The following SLC2A13 variants were observed in gnomAD, a reference collection of about 807,000 sequenced individuals.
The protein encoded by SLC2A13 is proton myo-inositol cotransporter.
A neutral mutation model predicts 64.4 loss-of-function variants in SLC2A13; 32 were observed. The ratio of observed to expected loss-of-function variants is 0.50; its 90% CI spans 0.37 to 0.67. The LOEUF is 0.67. Ranked by LOEUF, SLC2A13 falls within the 30% of genes least tolerant of loss-of-function variation. SLC2A13 has a pLI of 0.00. For missense variants in SLC2A13, 743 were observed against 829.2 expected, an observed-to-expected ratio of 0.90 and a Z score of 1.28; for synonymous variants, 338 against 327.1, an observed-to-expected ratio of 1.03 and a Z score of -0.36.
At chr12:39,894,949 G>C (rs1304693046) in intron 4 of SLC2A13, among the ~76,000 whole-genome samples, 1 of 152,146 alleles carries the variant, frequency 6.6e-6, no homozygotes, top group African/African-American at 2.4e-5. Context: ...AACTGGCTAG[G>C]AGAACCCTCA....
intron 7 of SLC2A13, among the ~76,000 whole-genome samples, chr12:39,796,360 C>T (rs1941575498): frequency 1.3e-5 from 2 of 149,694 alleles, no homozygotes; most frequent in Non-Finnish European, 3.0e-5. Flanking sequence ...TAGGCTGAAC[C>T]AGGAGGATCT....
At chr12:39,864,403 T>G (rs768530458) in intron 6 of SLC2A13, among the ~76,000 whole-genome samples, 1 of 152,252 alleles carries the variant, frequency 6.6e-6, no homozygotes, top group Non-Finnish European at 1.5e-5. Context: ...TGATTACTGA[T>G]TAAAGTTATT....
At chr12:39,924,319 T>C (rs1945676072) in intron 4 of SLC2A13, among the ~76,000 whole-genome samples, 1 of 152,146 alleles carries the variant, frequency 6.6e-6, no homozygotes. Flanking sequence ...GAAGCTGAAT[T>C]AGTCATTTAG....
At chr12:39,786,860 A>G (rs74820408) in intron 7 of SLC2A13, among the ~76,000 whole-genome samples, 23,184 of 152,248 alleles carry the variant, frequency 0.15, 1,948 homozygotes, top group East Asian at 0.3. Context: ...TTGAGATTTT[A>G]GTAAATGACT....
intron 4 of SLC2A13, among the ~76,000 whole-genome samples, chr12:39,902,058 T>C (rs1945133769): frequency 6.6e-6 from 1 of 151,870 alleles, no homozygotes. Context: ...TGGATGAAAT[T>C]GGAAACCATC....
chr12:39,888,722 T>G (rs553081283), intron 4 of SLC2A13, among the ~76,000 whole-genome samples: 1 of 152,218 alleles, frequency 6.6e-6, no homozygotes, highest in Admixed American at 6.5e-5. Flanking sequence ...TCAAAGAAGT[T>G]TGTCAACACA....
chr12:39,851,196 A>C (rs1389273490), intron 6 of SLC2A13, among the ~76,000 whole-genome samples: 1 of 152,186 alleles, frequency 6.6e-6, no homozygotes, highest in East Asian at 1.9e-4. Context: ...CACCGTGTCC[A>C]GCCAAAGTTA....
At chr12:39,965,238 C>T (rs1946488579) in intron 3 of SLC2A13, among the ~76,000 whole-genome samples, 2 of 151,872 alleles carry the variant, frequency 1.3e-5, no homozygotes, top group South Asian at 2.1e-4. Flanking sequence ...TAACTAAACA[C>T]TCCCTTATGA....
At chr12:39,989,074 A>G (rs914322889) in intron 3 of SLC2A13, among the ~76,000 whole-genome samples, 4 of 152,140 alleles carry the variant, frequency 2.6e-5, no homozygotes, top group African/African-American at 9.7e-5. Flanking sequence ...CTGCTGTGTC[A>G]GTCCTCTACT....
chr12:39,915,161 G>T (rs1436389572), intron 4 of SLC2A13, among the ~76,000 whole-genome samples: 1 of 151,936 alleles, frequency 6.6e-6, no homozygotes, highest in Non-Finnish European at 1.5e-5. Flanking sequence ...AAGGAGAAAA[G>T]TCAGTGGGAC....
At chr12:39,894,884 GATATGAA>G (rs1275391433) in intron 4 of SLC2A13, among the ~76,000 whole-genome samples, 4 of 152,136 alleles carry the variant, frequency 2.6e-5, no homozygotes, top group African/African-American at 9.7e-5. Context: ...AGAAGAAATG[GATATGAA>G]ACCATCGGAT....
chr12:39,934,073 T>C (rs1368180609), intron 4 of SLC2A13, among the ~76,000 whole-genome samples: 1 of 152,192 alleles, frequency 6.6e-6, no homozygotes, highest in Non-Finnish European at 1.5e-5. Flanking sequence ...TGATTCTGAA[T>C]CTTAAGTTAG....
intron 2 of SLC2A13, among the ~76,000 whole-genome samples, chr12:40,044,080 G>A (rs909855800): frequency 1.3e-5 from 2 of 152,058 alleles, no homozygotes; most frequent in African/African-American, 4.8e-5. Flanking sequence ...GCCCCAAAAT[G>A]TTAACAATAC....
intron 4 of SLC2A13, among the ~76,000 whole-genome samples, chr12:39,911,452 T>C (rs1337993089): frequency 6.6e-6 from 1 of 152,010 alleles, no homozygotes; most frequent in Non-Finnish European, 1.5e-5. Context: ...CTGTTGTCTA[T>C]CTCTATGATA....
intron 7 of SLC2A13, among the ~76,000 whole-genome samples, chr12:39,794,010 A>C (rs1358711819): frequency 1.3e-5 from 2 of 151,324 alleles, no homozygotes; most frequent in South Asian, 2.1e-4. Flanking sequence ...CTCTGAACCT[A>C]ATACCTACTT....
At chr12:39,764,357 CA>C in intron 9 of SLC2A13, 102 bp downstream of exon 9, 1 of 1,105,782 alleles carries the variant, frequency 9.0e-7, no homozygotes, top group Non-Finnish European at 1.2e-6. Context: ...CTTATAACAG[CA>C]AAATATAACC....
chr12:39,859,116 C>T, intron 6 of SLC2A13, among the ~76,000 whole-genome samples: 1 of 152,048 alleles, frequency 6.6e-6, no homozygotes, highest in East Asian at 1.9e-4. Flanking sequence ...AAACCAGTGT[C>T]ACCACCATCT....
At chr12:39,806,769 A>G (rs916512074) in intron 7 of SLC2A13, among the ~76,000 whole-genome samples, 2 of 152,228 alleles carry the variant, frequency 1.3e-5, no homozygotes, top group Non-Finnish European at 2.9e-5. Flanking sequence ...TTGTTATGGA[A>G]TAATGAAATC....
At chr12:40,044,261 A>G (rs554545562) in intron 2 of SLC2A13, among the ~76,000 whole-genome samples, 1 of 152,328 alleles carries the variant, frequency 6.6e-6, no homozygotes, top group East Asian at 1.9e-4. Context: ...TATACAGAAT[A>G]CATAAACCTA....
Sources: allele counts gnomAD v4.1 joint callset (sites outside exome capture counted in the v4.1 genomes callset), GRCh38; gene constraint gnomAD v4.1.1; transcripts MANE v1.5; gene names NCBI Gene and HGNC (gene_info 2026-07-23, HGNC 2026-07-21).